Variants in CALN1 observed in about 807,000 individuals in gnomAD.
CALN1 encodes calneuron 1, also known as calcium-binding protein 8.
Under a neutral mutation model 30.6 loss-of-function variants are expected in CALN1, and 17 were observed. That is an observed-to-expected ratio of 0.56 (90% CI 0.38 to 0.83). The LOEUF (loss-of-function observed/expected upper bound fraction) is 0.83, where lower values mean the gene tolerates loss of function less well. CALN1 is among the 40% of genes least tolerant of loss of function. The pLI, the probability that CALN1 is intolerant of heterozygous loss-of-function variation, is 0.00. For missense variants in CALN1, 291 were observed against 354.9 expected (o/e 0.82, Z 1.45); for synonymous variants, 156 against 131.4 (o/e 1.19, Z -1.28).
chr7:72,231,309 G>A (rs974186577), intron 3 of CALN1, among the ~76,000 whole-genome samples: 26 of 152,128 alleles, frequency 1.7e-4, no homozygotes, highest in African/African-American at 4.8e-4. Context: ...ACAGGCCCCA[G>A]TGTGTGTTGT....
chr7:72,220,509 G>A (rs1250378653), intron 3 of CALN1, among the ~76,000 whole-genome samples: 1 of 151,820 alleles, frequency 6.6e-6, no homozygotes, highest in Non-Finnish European at 1.5e-5. Context: ...ACATACGTGT[G>A]CATGTGTCTT....
chr7:72,214,906 G>A (rs949630304), intron 3 of CALN1, among the ~76,000 whole-genome samples: 2 of 151,478 alleles, frequency 1.3e-5, no homozygotes, highest in Admixed American at 6.6e-5. Flanking sequence ...CTAATGATCT[G>A]TCACCGTCTC....
intron 6 of CALN1, among the ~76,000 whole-genome samples, chr7:71,809,923 G>A (rs1444979265): frequency 6.6e-6 from 1 of 151,844 alleles, no homozygotes; most frequent in East Asian, 1.9e-4. Context: ...GTTTATAGAT[G>A]AGGAAACACA....
At chr7:72,249,809 C>A (rs1405841029) in intron 3 of CALN1, among the ~76,000 whole-genome samples, 1 of 151,908 alleles carries the variant, frequency 6.6e-6, no homozygotes. Flanking sequence ...TGGTGGTGGG[C>A]ACCTGTAATC....
At chr7:71,801,300 C>A (rs1787283719) in intron 6 of CALN1, among the ~76,000 whole-genome samples, 1 of 152,068 alleles carries the variant, frequency 6.6e-6, no homozygotes, top group Non-Finnish European at 1.5e-5. Context: ...GCAGCCTCAA[C>A]CTCCCAGGCT....
At chr7:72,027,934 C>CAG (rs1222765586) in intron 4 of CALN1, among the ~76,000 whole-genome samples, 12 of 151,692 alleles carry the variant, frequency 7.9e-5, no homozygotes, top group African/African-American at 1.5e-4. Flanking sequence ...TGGCGGGCGC[C>CAG]TGTAGTCCCA....
At chr7:72,037,628 C>T (rs553247189) in intron 4 of CALN1, among the ~76,000 whole-genome samples, 18 of 152,282 alleles carry the variant, frequency 1.2e-4, no homozygotes, top group East Asian at 3.9e-4. Flanking sequence ...CCTGATATTT[C>T]GAGGACAGGA....
Position 71,785,165 on chromosome 7 carries a change from C to G in CALN1, c.*2610G>C, listed in dbSNP as rs942883555. On this transcript the variant is annotated 3_prime_UTR_variant, in exon 7 of 7. Coordinates refer to ENST00000395275, the MANE Select transcript of CALN1 (RefSeq NM_031468.4). ...TAGGCTGTCAGAAAGAATTCTGTGT[C>G]TTCCTTCTTGCCATCTCTCTCTAGC... 1 of 310,776 alleles carries G rather than the reference C, an allele frequency of 3.2e-6. No individual in the cohort carries two copies. Among genetic ancestry groups the G allele is most frequent in the Non-Finnish European group, 5.8e-6 (1 of 170,966 alleles). The allele number at this position is 310,776 out of a possible 1,614,324, so 19.3% of individuals were successfully genotyped here. A position where few individuals can be genotyped will look rare whatever the true frequency, so the allele number is the denominator to read the frequency against.
chr7:72,291,377 C>A (rs1358527971), intron 2 of CALN1, among the ~76,000 whole-genome samples: 4 of 152,304 alleles, frequency 2.6e-5, no homozygotes, highest in African/African-American at 9.6e-5. Context: ...AGGGGAGGAA[C>A]CCCAGCAGCC....
intron 3 of CALN1, among the ~76,000 whole-genome samples, 174 bp downstream of exon 3, chr7:72,278,512 C>CGT (rs916588627): frequency 2.1e-5 from 3 of 145,252 alleles, no homozygotes; most frequent in South Asian, 2.2e-4. Flanking sequence ...CACACACACA[C>CGT]ACGTCACTTG....
chr7:71,953,949 T>C (rs1485278864), intron 5 of CALN1, among the ~76,000 whole-genome samples: 1 of 152,134 alleles, frequency 6.6e-6, no homozygotes, highest in Non-Finnish European at 1.5e-5. Flanking sequence ...AAAAAAAACA[T>C]GATCTCAGTC....
intron 3 of CALN1, among the ~76,000 whole-genome samples, chr7:72,257,978 G>A (rs1047935465): frequency 1.3e-5 from 2 of 152,108 alleles, no homozygotes; most frequent in African/African-American, 2.4e-5. Context: ...AGAGTGGGAG[G>A]GGAGTGAGGG....
chr7:71,993,004 GA>G (rs1799036342), intron 5 of CALN1, among the ~76,000 whole-genome samples: 2 of 103,636 alleles, frequency 1.9e-5, no homozygotes, highest in Non-Finnish European at 3.5e-5. Context: ...TCATAAGAAA[GA>G]GAACCATTGG....
intron 6 of CALN1, among the ~76,000 whole-genome samples, chr7:71,804,166 T>A (rs1787470719): frequency 6.6e-6 from 1 of 152,122 alleles, no homozygotes; most frequent in Non-Finnish European, 1.5e-5. Flanking sequence ...GAACACCTCT[T>A]AGTAAAATTA....
intron 2 of CALN1, among the ~76,000 whole-genome samples, chr7:72,286,783 A>C (rs569658944): frequency 1.3e-5 from 2 of 152,380 alleles, no homozygotes; most frequent in South Asian, 4.1e-4. Flanking sequence ...AAAGTTCTGC[A>C]TCATTAGAGA....
intron 5 of CALN1, among the ~76,000 whole-genome samples, chr7:71,903,576 G>A (rs1278025238): frequency 6.6e-6 from 1 of 152,102 alleles, no homozygotes; most frequent in Non-Finnish European, 1.5e-5. Flanking sequence ...AGACTTAAAT[G>A]TAAGACCCAA....
At chr7:72,430,849 C>A (rs1428374978) in intron 1 of CALN1, among the ~76,000 whole-genome samples, 1 of 152,102 alleles carries the variant, frequency 6.6e-6, no homozygotes, top group East Asian at 1.9e-4. Context: ...TTGCACTCAA[C>A]CAGCAGCCCA....
intron 1 of CALN1, among the ~76,000 whole-genome samples, chr7:72,433,785 C>A (rs998739821): frequency 6.6e-6 from 1 of 152,070 alleles, no homozygotes; most frequent in East Asian, 1.9e-4. Flanking sequence ...ACATTGGAGG[C>A]GGGGCACAGT....
intron 5 of CALN1, among the ~76,000 whole-genome samples, chr7:72,009,048 T>A (rs1286406287): frequency 6.6e-6 from 1 of 152,194 alleles, no homozygotes; most frequent in Non-Finnish European, 1.5e-5. Flanking sequence ...ATATAAGTTT[T>A]CAAAATAGAC....
Sources: gnomAD v4.1 joint callset for allele counts (sites outside exome capture counted in the v4.1 genomes callset) on GRCh38, gnomAD v4.1.1 for gene constraint, MANE v1.5 for transcripts, NCBI Gene and HGNC (gene_info 2026-07-23, HGNC 2026-07-21) for gene names.